The following RCN2 variants were observed in gnomAD, a reference collection of about 807,000 sequenced individuals.
The protein encoded by RCN2 is reticulocalbin 2, also known as reticulocalbin-2.
Under a neutral mutation model 37.5 loss-of-function variants are expected in RCN2, and 23 were observed. That is an observed-to-expected ratio of 0.61 (90% CI 0.44 to 0.87). The LOEUF (loss-of-function observed/expected upper bound fraction) is 0.87. Among genes scored for constraint, RCN2 ranks in the 40% least tolerant of loss-of-function variants. The pLI, the probability that RCN2 is intolerant of heterozygous loss-of-function variation, is 0.00. For missense variants in RCN2, 381 were observed against 390.4 expected (o/e 0.98, Z 0.20); for synonymous variants, 140 against 144.6 (o/e 0.97, Z 0.23).
intron 3 of RCN2, chr15:76,941,845 C>T: frequency 2.3e-6 from 1 of 441,624 alleles, no homozygotes. Context: ...AGCTCTTCTC[C>T]TGAAACATGG....
In RCN2 at chr15:76,953,580, TATATATATATA is replaced by T. The variant is rs2075332657; in HGVS notation, c.*4359_*4369del. ...CTATATATATATATATATATATATA[TATATATATATA>T]TATTTTTTTTTTTTTTTTTTTTTTT... On this transcript the variant is annotated 3_prime_UTR_variant, in exon 7 of 7. Transcript: ENST00000394885. The T allele has an allele frequency of 3.8e-4, 8 of 20,846 alleles. No individual in the cohort carries two copies. Among genetic ancestry groups the T allele is most frequent in the East Asian group, 1.1e-3 (1 of 914 alleles). 1.3% of individuals were successfully genotyped at this position (20,846 alleles called of 1,614,324 possible). A position where few individuals can be genotyped will look rare whatever the true frequency, so the allele number is the denominator to read the frequency against.
At chr15:76,944,866 T>C (rs1358841931) in intron 4 of RCN2, among the ~76,000 whole-genome samples, 4 of 152,242 alleles carry the variant, frequency 2.6e-5, no homozygotes, top group African/African-American at 9.6e-5. Context: ...TTTGACATAG[T>C]GGTTTCCTTT....
In RCN2 at chr15:76,953,626, G is replaced by A; in HGVS notation, c.*4404G>A. ...TTTTTTTTTTTTTTTTTTTTTTTTT[G>A]AGACGGAGTCTCGCTCTGTCGCCCA... On this transcript the variant is annotated 3_prime_UTR_variant, in exon 7 of 7. Transcript: ENST00000394885. The A allele has an allele frequency of 1.4e-4, 1 of 7,258 alleles. No individual in the cohort carries two copies. The highest frequency in any genetic ancestry group is 3.7e-4 in the African/African-American group (1 of 2,716). 0.4% of individuals were successfully genotyped at this position (7,258 alleles called of 1,614,324 possible). A position where few individuals can be genotyped will look rare whatever the true frequency, so the allele number is the denominator to read the frequency against.
rs2075228559 is a variant in RCN2, at chr15:76,932,461, C to T, written c.245C>T (p.Thr82Ile). 1 of 1,603,318 alleles carries T rather than the reference C, an allele frequency of 6.2e-7. No individual in the cohort carries two copies. ...GACTTGGACTCAGATGGCTTTCTCA[C>T]TGAAAGTAAGGACTGCCCTACACGA... ...KIDLDSDGFL[T>I]ESELSSWIQM... is the part of the protein sequence containing the mutation. Residue 82 changes from threonine (T) to isoleucine (I), a missense_variant, in exon 2 of 7, where the codon ACT (threonine) becomes ATT (isoleucine). Physicochemically the swap from Thr to Ile is moderately conservative, Grantham distance 89 (BLOSUM62 -1). Transcript: ENST00000394885.
chr15:76,948,895 G>A, intron 6 of RCN2, 175 bp from the exon 7 acceptor site: 2 of 641,198 alleles, frequency 3.1e-6, no homozygotes, highest in African/African-American at 3.7e-5. Context: ...GAAGAAAGGA[G>A]ATAATGGGAA....
In RCN2 at chr15:76,945,125, TGTG is replaced by T. The variant is rs1489162803; in HGVS notation, c.561+1258_561+1260del. ...ATTAGGCTTGGTAAGGAGGCTTTCT[TGTG>T]GTGACGAAGTTGCTTATTGGGAGGG... is the stretch of plus-strand genomic sequence containing the variant. On this transcript the variant is annotated intron_variant, in intron 4 of 6. Transcript: ENST00000394885. Among the ~76,000 whole-genome samples the T allele has an allele frequency of 3.3e-5, 5 of 152,338 alleles. No homozygotes were observed. The East Asian group carries it at 5.8e-4, about 18-fold the overall frequency.
Position 76,951,407 on chromosome 15 carries a change from G to C in RCN2, c.*2185G>C, listed in dbSNP as rs1368260229. On this transcript the variant is annotated 3_prime_UTR_variant, in exon 7 of 7. Coordinates refer to ENST00000394885, the MANE Select transcript of RCN2 (RefSeq NM_002902.3). ...TGAAAGTGGCTTTGATCTTGAGTCT[G>C]TGTAGGTCAGCTGGATCCACAGTGG... 6.6e-6 allele frequency: 1 copy of C among 152,254 alleles called. No homozygotes were observed. The highest frequency in any genetic ancestry group is 2.4e-5 in the African/African-American group (1 of 41,454). 9.4% of individuals were successfully genotyped at this position (152,254 alleles called of 1,614,324 possible). A position where few individuals can be genotyped will look rare whatever the true frequency, so the allele number is the denominator to read the frequency against.
chr15:76,935,676 A>T lies in RCN2; in HGVS notation c.401A>T (p.Asp134Val), dbSNP rs2075244210. The change falls in exon 3 of 7, where the codon GAT (aspartate) becomes GTT (valine). Residue 134 changes from aspartate (D) to valine (V), a missense_variant. Transcript: ENST00000394885. ...ATGTATGATCGTGTGATTGACTTTG[A>T]TGAGAACACTGCTCTGGATGATGCA... ...IQMYDRVIDFDENTALDDAEE... is the reference protein window; with the variant it reads ...IQMYDRVIDFVENTALDDAEE... The T allele has an allele frequency of 6.2e-7, 1 of 1,613,996 alleles. No individual in the cohort carries two copies. Among genetic ancestry groups the T allele is most frequent in the Admixed American group, 1.7e-5 (1 of 60,002 alleles).
intron 2 of RCN2, among the ~76,000 whole-genome samples, chr15:76,932,841 G>A (rs550094859): frequency 2.0e-5 from 3 of 152,218 alleles, no homozygotes; most frequent in African/African-American, 7.2e-5. Flanking sequence ...TAAATTTTAG[G>A]AATTTGCTTC....
chr15:76,945,577 A>C (rs528673722), intron 4 of RCN2, among the ~76,000 whole-genome samples: 1 of 152,370 alleles, frequency 6.6e-6, no homozygotes, highest in East Asian at 1.9e-4. Flanking sequence ...ATAAACCATC[A>C]CACTGGGAAA....
At position 76,935,686 on chromosome 15, in the gene RCN2, T is replaced by C. The variant is rs751907756; in HGVS notation, c.411T>C (p.Thr137=). ...YDRVIDFDEN[T]ALDDAEEESF... ...GTGTGATTGACTTTGATGAGAACAC[T>C]GCTCTGGATGATGCAGAAGAGGAGT... The change falls in exon 3 of 7, where the codon ACT becomes ACC. Residue 137 remains threonine, a synonymous_variant. Transcript: ENST00000394885. 3.1e-6 allele frequency: 5 copies of C among 1,613,962 alleles called. No individual in the cohort carries two copies. The South Asian group carries it at 4.4e-5, about 14-fold the overall frequency.
At chr15:76,940,921 C>G (rs1047334561) in intron 3 of RCN2, among the ~76,000 whole-genome samples, 4 of 152,056 alleles carry the variant, frequency 2.6e-5, no homozygotes, top group Non-Finnish European at 5.9e-5. Context: ...CCCTTTCAGG[C>G]TGTGAAATGC....
chr15:76,937,709 C>G (rs1262364871), intron 3 of RCN2, among the ~76,000 whole-genome samples: 3 of 152,100 alleles, frequency 2.0e-5, no homozygotes, highest in African/African-American at 7.2e-5. Context: ...CACCTGGCCC[C>G]AAATTACTCA....
chr15:76,932,112 C>A, intron 1 of RCN2, 127 bp downstream of exon 1: 2 of 933,394 alleles, frequency 2.1e-6, no homozygotes, highest in Non-Finnish European at 1.4e-6. Flanking sequence ...GGGGGCCGGG[C>A]GGCGCGGCAC....
At position 76,948,552 on chromosome 15, in the gene RCN2, G is replaced by A. The variant is rs1297615884; in HGVS notation, c.801G>A (p.Glu267=). The A allele has an allele frequency of 1.3e-6, 2 of 1,559,444 alleles. No homozygotes were observed. The highest frequency in any genetic ancestry group is 1.9e-5 in the Admixed American group (1 of 53,698). Residue 267 remains glutamate (E), a splice_region_variant and synonymous_variant, in exon 6 of 7, where the codon GAG becomes GAA. Transcript: ENST00000394885. The part of the protein sequence containing the change: ...VPNNQGIAQE[E]ALHLIDEMDL... ...ATAATCAGGGCATTGCACAAGAGGA[G>A]GTAAGTGTTACAGAACAACTGTTTC...
intron 4 of RCN2, among the ~76,000 whole-genome samples, chr15:76,944,167 G>C (rs1335472429): frequency 6.6e-6 from 1 of 151,720 alleles, no homozygotes; most frequent in Non-Finnish European, 1.5e-5. Flanking sequence ...CTAATTTTTT[G>C]TATTTTCAGT....
At chr15:76,944,015 C>T (rs560237811) in intron 4 of RCN2, 144 bp downstream of exon 4, 4 of 355,850 alleles carry the variant, frequency 1.1e-5, no homozygotes, top group Admixed American at 1.3e-4. Flanking sequence ...TTTTTTGAGA[C>T]GGAGTATCGC....
intron 1 of RCN2, 121 bp from the exon 2 acceptor site, chr15:76,932,240 C>T (rs2075226922): frequency 3.8e-6 from 3 of 795,868 alleles, no homozygotes; most frequent in Non-Finnish European, 6.2e-6. Context: ...CCTTGAAGTG[C>T]AGGTGCGGGT....
chr15:76,944,890 A>G (rs1190464819), intron 4 of RCN2, among the ~76,000 whole-genome samples: 2 of 152,110 alleles, frequency 1.3e-5, no homozygotes, highest in Non-Finnish European at 2.9e-5. Flanking sequence ...TTGGGTATAT[A>G]CCCAGCAGTG....
Sources: allele counts gnomAD v4.1 joint callset (sites outside exome capture counted in the v4.1 genomes callset), GRCh38; gene constraint gnomAD v4.1.1; transcripts MANE v1.5; gene names NCBI Gene and HGNC (gene_info 2026-07-23, HGNC 2026-07-21).